Variants in CADM2 observed in about 807,000 individuals in gnomAD.
CADM2 encodes the protein cell adhesion molecule 2, also known as immunoglobulin superfamily member 4D.
CADM2 carries 12 observed loss-of-function variants against 49.8 expected under a neutral mutation model. The observed-to-expected ratio is 0.24, with a 90% CI of 0.15 to 0.39. The LOEUF is 0.39. Among genes scored for constraint, CADM2 ranks in the 10% least tolerant of loss-of-function variants. The pLI is 1.00. For synonymous variants in CADM2, 214 were observed against 175.4 expected (o/e 1.22, Z -1.74); for missense variants, 378 against 492.3 (o/e 0.77, Z 2.20).
At chr3:84,985,583 GCATTCAT>G (rs2107155082) in intron 1 of CADM2, among the ~76,000 whole-genome samples, 1 of 152,172 alleles carries the variant, frequency 6.6e-6, no homozygotes, top group African/African-American at 2.4e-5. Flanking sequence ...CAAGAAACGT[GCATTCAT>G]TGATGTTTGC....
At chr3:85,222,998 C>T (rs1377329127) in intron 1 of CADM2, among the ~76,000 whole-genome samples, 2 of 152,092 alleles carry the variant, frequency 1.3e-5, no homozygotes, top group Non-Finnish European at 2.9e-5. Flanking sequence ...AATATTTTCT[C>T]TTGAGCGGTC....
intron 1 of CADM2, among the ~76,000 whole-genome samples, chr3:85,679,504 C>G (rs1455055722): frequency 6.6e-6 from 1 of 152,186 alleles, no homozygotes; most frequent in African/African-American, 2.4e-5. Context: ...CCATAGAGCA[C>G]TTTAAACGAT....
chr3:85,227,115 A>G (rs2042179725), intron 1 of CADM2, among the ~76,000 whole-genome samples: 2 of 152,182 alleles, frequency 1.3e-5, no homozygotes, highest in African/African-American at 4.8e-5. Flanking sequence ...TTTGGGGTGT[A>G]GAGTTCTGTA....
chr3:85,138,201 C>G (rs1210432420), intron 1 of CADM2, among the ~76,000 whole-genome samples: 1 of 149,384 alleles, frequency 6.7e-6, no homozygotes, highest in Non-Finnish European at 1.5e-5. Context: ...GCAGAGAAAT[C>G]TGCAACAATA....
chr3:85,528,808 T>G (rs2061231551), intron 1 of CADM2, among the ~76,000 whole-genome samples: 1 of 152,184 alleles, frequency 6.6e-6, no homozygotes, highest in African/African-American at 2.4e-5. Context: ...CTAGTGTTGT[T>G]TATTTCTTTC....
chr3:85,850,341 T>TC (rs1191923975), intron 3 of CADM2, among the ~76,000 whole-genome samples: 22 of 115,604 alleles, frequency 1.9e-4, no homozygotes, highest in Non-Finnish European at 3.0e-4. Flanking sequence ...TTTTTTTTTT[T>TC]TGAGACAGAG....
chr3:85,840,196 T>C (rs2074582685), intron 3 of CADM2, among the ~76,000 whole-genome samples: 1 of 151,930 alleles, frequency 6.6e-6, no homozygotes, highest in African/African-American at 2.4e-5. Flanking sequence ...ACTGTTAATT[T>C]CACAGCATTT....
At chr3:85,948,153 C>A (rs997255712) in intron 7 of CADM2, among the ~76,000 whole-genome samples, 2 of 151,372 alleles carry the variant, frequency 1.3e-5, no homozygotes, top group Admixed American at 6.6e-5. Flanking sequence ...AGTTTGGAAA[C>A]ATTGCATATG....
chr3:85,355,487 A>G (rs1052206771), intron 1 of CADM2, among the ~76,000 whole-genome samples: 1 of 152,052 alleles, frequency 6.6e-6, no homozygotes. Context: ...ATTGGACTAG[A>G]TATTTTTTAA....
At chr3:85,461,683 C>T (rs1192117896) in intron 1 of CADM2, among the ~76,000 whole-genome samples, 1 of 152,074 alleles carries the variant, frequency 6.6e-6, no homozygotes, top group Non-Finnish European at 1.5e-5. Flanking sequence ...ATTTTTAACT[C>T]CTAACCTATT....
At chr3:85,163,792 A>G (rs560703105) in intron 1 of CADM2, among the ~76,000 whole-genome samples, 14 of 152,056 alleles carry the variant, frequency 9.2e-5, no homozygotes, top group Non-Finnish European at 2.1e-4. Context: ...ATATCATACT[A>G]TTTACCCAAT....
intron 1 of CADM2, among the ~76,000 whole-genome samples, chr3:85,419,477 C>T (rs965060600): frequency 6.7e-6 from 1 of 150,222 alleles, no homozygotes; most frequent in Admixed American, 6.6e-5. Context: ...AAAAAAATTG[C>T]AGTGAAAGAT....
intron 1 of CADM2, among the ~76,000 whole-genome samples, chr3:85,570,247 G>A (rs2062435798): frequency 2.0e-5 from 3 of 151,924 alleles, no homozygotes; most frequent in Admixed American, 2.0e-4. Context: ...CTTGACTTTT[G>A]GGGAATTTTT....
intron 1 of CADM2, among the ~76,000 whole-genome samples, chr3:85,663,720 A>G (rs906711424): frequency 1.3e-5 from 2 of 152,046 alleles, no homozygotes; most frequent in Non-Finnish European, 2.9e-5. Flanking sequence ...TCTTAACAGC[A>G]TAAAAGCATA....
chr3:85,912,268 A>T, intron 5 of CADM2, 105 bp from the exon 6 acceptor site: 1 of 768,310 alleles, frequency 1.3e-6, no homozygotes, highest in Non-Finnish European at 2.0e-6. Context: ...TTTGCTTCTT[A>T]AAAATTGATA....
intron 1 of CADM2, among the ~76,000 whole-genome samples, chr3:85,624,775 A>T (rs1465041821): frequency 1.3e-5 from 2 of 152,076 alleles, no homozygotes; most frequent in Non-Finnish European, 2.9e-5. Flanking sequence ...CTGTCTTATG[A>T]ATGATATTTA....
chr3:85,014,543 A>C (rs113634379), intron 1 of CADM2, among the ~76,000 whole-genome samples: 1 of 152,086 alleles, frequency 6.6e-6, no homozygotes, highest in Non-Finnish European at 1.5e-5. Context: ...GGTTTGGAAT[A>C]TATCTTCCAT....
chr3:85,680,766 T>G (rs770719975), intron 1 of CADM2, among the ~76,000 whole-genome samples: 14 of 152,188 alleles, frequency 9.2e-5, no homozygotes, highest in Non-Finnish European at 4.4e-5. Flanking sequence ...TTTCACAAAC[T>G]GCTTGCTTTC....
At chr3:85,940,701 A>G (rs1721784448) in intron 7 of CADM2, among the ~76,000 whole-genome samples, 1 of 152,122 alleles carries the variant, frequency 6.6e-6, no homozygotes, top group African/African-American at 2.4e-5. Context: ...CTAAGGTGTC[A>G]TACTTTGAGG....
Sources: gnomAD v4.1 joint callset for allele counts (sites outside exome capture counted in the v4.1 genomes callset) on GRCh38, gnomAD v4.1.1 for gene constraint, MANE v1.5 for transcripts, NCBI Gene and HGNC (gene_info 2026-07-23, HGNC 2026-07-21) for gene names.